Variants in POC1A observed in about 807,000 individuals in gnomAD.
The protein encoded by POC1A is POC1 centriolar protein A.
A neutral mutation model predicts 47.8 loss-of-function variants in POC1A; 34 were observed. The ratio of observed to expected loss-of-function variants is 0.71; its 90% CI spans 0.54 to 0.95. The LOEUF is 0.95. Ranked by LOEUF, POC1A falls within the 40% of genes least tolerant of loss-of-function variation. POC1A has a pLI of 0.00. For missense variants in POC1A, 466 were observed against 528.3 expected (o/e 0.88, Z 1.16); for synonymous variants, 177 against 207.6 (o/e 0.85, Z 1.27).
At chr3:52,086,433 C>A (rs1044213805) in intron 10 of POC1A, among the ~76,000 whole-genome samples, 2 of 152,220 alleles carry the variant, frequency 1.3e-5, no homozygotes, top group South Asian at 2.1e-4. Context: ...AAAACAGATA[C>A]AATAAAAGGG....
intron 9 of POC1A, among the ~76,000 whole-genome samples, chr3:52,107,303 G>T (rs185132861): frequency 5.9e-5 from 9 of 152,192 alleles, no homozygotes; most frequent in African/African-American, 1.9e-4. Flanking sequence ...GAACACAGAG[G>T]GGGAGGACTG....
intron 10 of POC1A, among the ~76,000 whole-genome samples, chr3:52,077,586 C>T (rs1702157933): frequency 6.6e-6 from 1 of 152,226 alleles, no homozygotes; most frequent in African/African-American, 2.4e-5. Context: ...ATCACATTCC[C>T]CCTGTGCTGG....
At chr3:52,140,496 C>T (rs571288242) in intron 6 of POC1A, among the ~76,000 whole-genome samples, 2 of 152,320 alleles carry the variant, frequency 1.3e-5, no homozygotes, top group East Asian at 3.9e-4. Flanking sequence ...CTTCCCAGCA[C>T]CATCAAGGTG....
intron 9 of POC1A, among the ~76,000 whole-genome samples, chr3:52,107,427 C>T (rs1329220304): frequency 1.3e-5 from 2 of 152,254 alleles, no homozygotes; most frequent in African/African-American, 4.8e-5. Context: ...GGAGCATCCT[C>T]AGAAACCACC....
intron 10 of POC1A, among the ~76,000 whole-genome samples, chr3:52,086,332 A>G (rs1702455830): frequency 6.6e-6 from 1 of 152,184 alleles, no homozygotes; most frequent in African/African-American, 2.4e-5. Flanking sequence ...CTGAATGTCT[A>G]ACTTTCCTTT....
At chr3:52,126,507 G>C (rs1321073681) in intron 7 of POC1A, among the ~76,000 whole-genome samples, 1 of 152,326 alleles carries the variant, frequency 6.6e-6, no homozygotes, top group East Asian at 1.9e-4. Context: ...TGAACACCGA[G>C]CACTCAGGCG....
At chr3:52,139,645 A>T (rs993912860) in intron 6 of POC1A, among the ~76,000 whole-genome samples, 21 of 152,104 alleles carry the variant, frequency 1.4e-4, no homozygotes, top group African/African-American at 4.6e-4. Flanking sequence ...TCACATTCAC[A>T]TGCAACTATC....
chr3:52,134,867 C>A (rs1704385592), intron 7 of POC1A, among the ~76,000 whole-genome samples: 1 of 151,966 alleles, frequency 6.6e-6, no homozygotes, highest in Admixed American at 6.6e-5. Context: ...AAGCCCCAGG[C>A]ACCCAAGACC....
chr3:52,129,431 G>A (rs944040454), intron 7 of POC1A, among the ~76,000 whole-genome samples: 18 of 152,108 alleles, frequency 1.2e-4, no homozygotes, highest in Admixed American at 9.8e-4. Context: ...CACTCTTCAT[G>A]CATCAGGGTA....
chr3:52,083,921 G>C (rs1188233991), intron 10 of POC1A, among the ~76,000 whole-genome samples: 3 of 152,254 alleles, frequency 2.0e-5, no homozygotes, highest in African/African-American at 4.8e-5. Context: ...CTGTCAGGAG[G>C]CCAGGGTGCT....
At chr3:52,131,465 C>T (rs1231336326) in intron 7 of POC1A, among the ~76,000 whole-genome samples, 2 of 152,146 alleles carry the variant, frequency 1.3e-5, no homozygotes, top group East Asian at 3.9e-4. Context: ...TCCTGCTTAA[C>T]GTCACAGTTG....
intron 10 of POC1A, among the ~76,000 whole-genome samples, chr3:52,093,245 G>C (rs1702702926): frequency 6.6e-6 from 1 of 152,172 alleles, no homozygotes; most frequent in Admixed American, 6.5e-5. Flanking sequence ...CTCTGACCTT[G>C]GCAGATTCAG....
chr3:52,144,201 C>T (rs1360411966), intron 6 of POC1A, among the ~76,000 whole-genome samples: 1 of 152,228 alleles, frequency 6.6e-6, no homozygotes, highest in African/African-American at 2.4e-5. Context: ...CTGTCCAAGT[C>T]CTCCCTCCTC....
At chr3:52,150,420 C>T (rs1698519692) in intron 2 of POC1A, among the ~76,000 whole-genome samples, 1 of 152,242 alleles carries the variant, frequency 6.6e-6, no homozygotes, top group Non-Finnish European at 1.5e-5. Context: ...TCAAAAATCA[C>T]TTCAGTTCCC....
chr3:52,080,249 TG>T (rs1702239302), intron 10 of POC1A, among the ~76,000 whole-genome samples: 1 of 152,174 alleles, frequency 6.6e-6, no homozygotes, highest in South Asian at 2.1e-4. Flanking sequence ...ACTAAAGCAC[TG>T]GGTAGTGTGC....
chr3:52,078,569 G>A (rs1488296157), intron 10 of POC1A, among the ~76,000 whole-genome samples: 1 of 146,660 alleles, frequency 6.8e-6, no homozygotes, highest in Non-Finnish European at 1.5e-5. Flanking sequence ...GAAGTGCAGT[G>A]GCGCGATCTC....
intron 6 of POC1A, among the ~76,000 whole-genome samples, chr3:52,143,676 C>T (rs1276921997): frequency 6.6e-6 from 1 of 152,214 alleles, no homozygotes; most frequent in African/African-American, 2.4e-5. Context: ...ACCCATCCCC[C>T]ACTCTGATGC....
At chr3:52,107,476 T>C (rs1465986183) in intron 9 of POC1A, among the ~76,000 whole-genome samples, 2 of 152,234 alleles carry the variant, frequency 1.3e-5, no homozygotes, top group African/African-American at 2.4e-5. Context: ...CCAACACCTG[T>C]GTGGGAGCAT....
chr3:52,075,816 C>T lies in POC1A; in HGVS notation c.*71G>A, dbSNP rs1047485916. ...CAGAGTTCAGTCCCCTTTATTTACC[C>T]AAGTCCCATGGTACAAATCCCTGGC... On this transcript the variant is annotated 3_prime_UTR_variant, in exon 11 of 11. Transcript: ENST00000296484. 1 of 1,129,612 alleles carries T rather than the reference C, an allele frequency of 8.9e-7. No homozygotes were observed. Among genetic ancestry groups the T allele is most frequent in the African/African-American group, 1.5e-5 (1 of 65,694 alleles). The allele number at this position is 1,129,612 out of a possible 1,614,324, so 70.0% of individuals were successfully genotyped here.
Sources: gnomAD v4.1 joint callset for allele counts (sites outside exome capture counted in the v4.1 genomes callset) on GRCh38, gnomAD v4.1.1 for gene constraint, MANE v1.5 for transcripts, NCBI Gene and HGNC (gene_info 2026-07-23, HGNC 2026-07-21) for gene names.